SNTG1: variants seen among roughly 807,000 people sequenced by gnomAD.
SNTG1 encodes the protein gamma-1-syntrophin.
SNTG1 carries 39 observed loss-of-function variants against 74.7 expected under a neutral mutation model. That is an observed-to-expected ratio of 0.52 (90% CI 0.40 to 0.68). The LOEUF is 0.68. Ranked by LOEUF, SNTG1 falls within the 30% of genes least tolerant of loss-of-function variation. SNTG1 has a pLI of 0.00. For missense variants in SNTG1, 685 were observed against 609.5 expected (o/e 1.12, Z -1.30); for synonymous variants, 254 against 217.1 (o/e 1.17, Z -1.49).
intron 4 of SNTG1, among the ~76,000 whole-genome samples, chr8:50,424,739 G>T (rs774671110): frequency 9.9e-5 from 15 of 152,128 alleles, no homozygotes; most frequent in Non-Finnish European, 1.6e-4. Context: ...TTGTTAAGAG[G>T]AGTTTTACTG....
intron 2 of SNTG1, among the ~76,000 whole-genome samples, chr8:50,315,892 T>C (rs1455887084): frequency 2.6e-5 from 4 of 152,152 alleles, no homozygotes; most frequent in African/African-American, 4.8e-5. Flanking sequence ...CAGATTTTCA[T>C]TGAATAAATA....
chr8:50,566,114 C>T (rs1332129537), intron 12 of SNTG1, among the ~76,000 whole-genome samples: 3 of 151,744 alleles, frequency 2.0e-5, no homozygotes, highest in Non-Finnish European at 4.4e-5. Flanking sequence ...AATGTCCATC[C>T]TCTTATCAAA....
intron 16 of SNTG1, among the ~76,000 whole-genome samples, chr8:50,707,688 T>A (rs2095447927): frequency 7.0e-6 from 1 of 142,420 alleles, no homozygotes; most frequent in Non-Finnish European, 1.5e-5. Context: ...AAACTTCTCT[T>A]CCTTTTTTTC....
At chr8:50,717,418 G>T (rs1235360709) in intron 17 of SNTG1, among the ~76,000 whole-genome samples, 1 of 152,028 alleles carries the variant, frequency 6.6e-6, no homozygotes, top group East Asian at 1.9e-4. Flanking sequence ...GAATTGAATG[G>T]GAATGATATA....
intron 2 of SNTG1, among the ~76,000 whole-genome samples, chr8:50,393,419 A>T (rs560495989): frequency 1.6e-4 from 25 of 152,314 alleles, no homozygotes; most frequent in Admixed American, 3.3e-4. Flanking sequence ...TTTGGAATTA[A>T]TCATTCATCT....
At chr8:50,427,183 T>C (rs557691231) in intron 4 of SNTG1, among the ~76,000 whole-genome samples, 1 of 152,270 alleles carries the variant, frequency 6.6e-6, no homozygotes, top group South Asian at 2.1e-4. Flanking sequence ...ATGTTATTTC[T>C]TAGTTTTGTG....
intron 3 of SNTG1, among the ~76,000 whole-genome samples, chr8:50,400,772 G>A (rs774529877): frequency 5.3e-5 from 8 of 152,076 alleles, no homozygotes; most frequent in Non-Finnish European, 1.2e-4. Context: ...GTTGAGAGTA[G>A]AATAGTGGTT....
At chr8:49,963,251 C>T (rs1810854679) in intron 1 of SNTG1, among the ~76,000 whole-genome samples, 1 of 152,178 alleles carries the variant, frequency 6.6e-6, no homozygotes. Flanking sequence ...CTACCCACAG[C>T]ATGTGCTGTA....
chr8:50,658,757 G>A, intron 15 of SNTG1, 94 bp downstream of exon 15: 13 of 753,310 alleles, frequency 1.7e-5, no homozygotes, highest in Admixed American at 5.4e-5. Context: ...AATCATTCAT[G>A]GAATGAAAGA....
chr8:50,665,305 G>A (rs368337189), intron 15 of SNTG1, among the ~76,000 whole-genome samples: 1 of 152,046 alleles, frequency 6.6e-6, no homozygotes, highest in Non-Finnish European at 1.5e-5. Flanking sequence ...CACTGTTAGA[G>A]ATGAAAGTCA....
chr8:50,423,685 A>G (rs1007377437), intron 4 of SNTG1, among the ~76,000 whole-genome samples: 11 of 152,236 alleles, frequency 7.2e-5, no homozygotes, highest in African/African-American at 2.2e-4. Flanking sequence ...TCAGTAAATT[A>G]AAGCTCAGTA....
intron 18 of SNTG1, among the ~76,000 whole-genome samples, chr8:50,755,117 A>G (rs960686642): frequency 6.6e-6 from 1 of 151,766 alleles, no homozygotes; most frequent in Admixed American, 6.6e-5. Context: ...CATCATTACC[A>G]TCCAGAGTCC....
chr8:50,165,051 C>A (rs887020730), intron 1 of SNTG1, among the ~76,000 whole-genome samples: 1 of 151,838 alleles, frequency 6.6e-6, no homozygotes, highest in Non-Finnish European at 1.5e-5. Context: ...CTTTCATCTC[C>A]CACACACACA....
chr8:50,242,544 A>G (rs568625997), intron 2 of SNTG1, among the ~76,000 whole-genome samples: 1 of 100,488 alleles, frequency 1.0e-5, no homozygotes, highest in Non-Finnish European at 1.9e-5. Context: ...AAAAAAAAAA[A>G]ACACACCAGG....
chr8:50,506,263 T>G (rs1263517345), intron 9 of SNTG1, among the ~76,000 whole-genome samples: 5 of 152,116 alleles, frequency 3.3e-5, no homozygotes, highest in Non-Finnish European at 7.4e-5. Flanking sequence ...GTAATGTATC[T>G]TGAGTTCAGA....
chr8:49,987,649 C>CT (rs35381511), intron 1 of SNTG1, among the ~76,000 whole-genome samples: 102,216 of 131,548 alleles, frequency 0.78, 40,459 homozygotes, highest in East Asian at 0.99. Context: ...TTAAATTAAC[C>CT]TTTTTTTTTT....
chr8:50,258,121 C>T (rs2086974425), intron 2 of SNTG1, among the ~76,000 whole-genome samples: 1 of 152,180 alleles, frequency 6.6e-6, no homozygotes, highest in African/African-American at 2.4e-5. Context: ...GAAACAACAG[C>T]AGCAGCAAGC....
At chr8:50,399,424 A>T (rs2092772210) in intron 3 of SNTG1, among the ~76,000 whole-genome samples, 1 of 152,178 alleles carries the variant, frequency 6.6e-6, no homozygotes, top group African/African-American at 2.4e-5. Context: ...GAACACCCTG[A>T]TAGCTTTGTT....
chr8:50,577,735 C>T (rs2094585240), intron 12 of SNTG1, among the ~76,000 whole-genome samples: 1 of 152,168 alleles, frequency 6.6e-6, no homozygotes, highest in Non-Finnish European at 1.5e-5. Flanking sequence ...AATATACTAA[C>T]TTGATGATTT....
Sources: allele counts gnomAD v4.1 joint callset (sites outside exome capture counted in the v4.1 genomes callset), GRCh38; gene constraint gnomAD v4.1.1; transcripts MANE v1.5; gene names NCBI Gene and HGNC (gene_info 2026-07-23, HGNC 2026-07-21).